The following ANKRD44 variants were observed in gnomAD, a reference collection of about 807,000 sequenced individuals.
ANKRD44 encodes serine/threonine-protein phosphatase 6 regulatory ankyrin repeat subunit B.
Under a neutral mutation model 116.0 loss-of-function variants are expected in ANKRD44, and 35 were observed. The ratio of observed to expected loss-of-function variants is 0.30; its 90% CI spans 0.23 to 0.40. ANKRD44 has a LOEUF of 0.40. ANKRD44 is among the 10% of genes least tolerant of loss of function. The pLI, the probability that ANKRD44 is intolerant of heterozygous loss-of-function variation, is 1.00. For synonymous variants in ANKRD44, 435 were observed against 461.8 expected, an observed-to-expected ratio of 0.94 and a Z score of 0.74; for missense variants, 1,014 against 1,242.6, an observed-to-expected ratio of 0.82 and a Z score of 2.77.
intron 1 of ANKRD44, among the ~76,000 whole-genome samples, chr2:197,260,865 G>T: frequency 3.7e-4 from 2 of 5,394 alleles, no homozygotes; most frequent in South Asian, 7.8e-3. Flanking sequence ...GTGTTTTTTG[G>T]CTGCATAAAT....
chr2:196,993,442 C>G, intron 27 of ANKRD44, 141 bp downstream of exon 27: 1 of 677,834 alleles, frequency 1.5e-6, no homozygotes, highest in Non-Finnish European at 2.5e-6. Context: ...GTTATCCTTG[C>G]TTGATTTCTC....
At chr2:197,208,938 C>T (rs2081268213) in intron 1 of ANKRD44, among the ~76,000 whole-genome samples, 2 of 152,166 alleles carry the variant, frequency 1.3e-5, no homozygotes, top group Admixed American at 6.5e-5. Context: ...ATTTGTCTGC[C>T]TCTCTCAGAA....
intron 1 of ANKRD44, among the ~76,000 whole-genome samples, chr2:197,289,308 T>G (rs1207703494): frequency 6.6e-6 from 1 of 152,192 alleles, no homozygotes; most frequent in Non-Finnish European, 1.5e-5. Flanking sequence ...CTAACCCATA[T>G]GTATTGTTGG....
intron 17 of ANKRD44, among the ~76,000 whole-genome samples, chr2:197,023,582 A>G (rs374425134): frequency 1.3e-4 from 20 of 150,968 alleles, no homozygotes; most frequent in African/African-American, 5.0e-4. Context: ...GAAAAAAAAA[A>G]GAAGAACGAG....
At chr2:197,139,040 C>G (rs1261015585) in intron 3 of ANKRD44, among the ~76,000 whole-genome samples, 1 of 152,044 alleles carries the variant, frequency 6.6e-6, no homozygotes, top group Non-Finnish European at 1.5e-5. Context: ...CAAGATTTGG[C>G]AAGGGTATGG....
At chr2:197,076,747 C>A (rs2077675669) in intron 16 of ANKRD44, among the ~76,000 whole-genome samples, 1 of 151,394 alleles carries the variant, frequency 6.6e-6, no homozygotes, top group South Asian at 2.1e-4. Flanking sequence ...TAAGTGAGAA[C>A]ATGCAGTATT....
chr2:197,145,931 A>G (rs553074549), intron 3 of ANKRD44, among the ~76,000 whole-genome samples: 1 of 152,216 alleles, frequency 6.6e-6, no homozygotes, highest in Non-Finnish European at 1.5e-5. Flanking sequence ...TAAAAGAGGA[A>G]GAAGAAAGAC....
chr2:197,105,084 T>C (rs73051324), intron 9 of ANKRD44, among the ~76,000 whole-genome samples: 8,386 of 152,158 alleles, frequency 0.055, 454 homozygotes, highest in African/African-American at 0.13. Context: ...TTTGTTTCTG[T>C]GTTACAGTGG....
At chr2:197,093,434 C>A (rs1275522753) in intron 10 of ANKRD44, among the ~76,000 whole-genome samples, 1 of 151,924 alleles carries the variant, frequency 6.6e-6, no homozygotes, top group Non-Finnish European at 1.5e-5. Context: ...TCCTTACAAA[C>A]CTGAGAAGAT....
At chr2:196,968,055 G>C (rs190139526) in intron 21 of ANKRD44, among the ~76,000 whole-genome samples, 9 of 152,160 alleles carry the variant, frequency 5.9e-5, no homozygotes, top group African/African-American at 1.9e-4. Flanking sequence ...CCACACTTCC[G>C]GTAAAGCCTG....
chr2:197,254,107 C>G (rs1317437457), intron 1 of ANKRD44, among the ~76,000 whole-genome samples: 1 of 152,160 alleles, frequency 6.6e-6, no homozygotes, highest in African/African-American at 2.4e-5. Flanking sequence ...ACTTCCAACT[C>G]CAAGACGAGG....
At chr2:196,994,352 A>AT (rs1418434988) in intron 26 of ANKRD44, among the ~76,000 whole-genome samples, 2 of 151,566 alleles carry the variant, frequency 1.3e-5, no homozygotes, top group Non-Finnish European at 2.9e-5. Flanking sequence ...TGGCTGGCTA[A>AT]TTTTTTTATT....
chr2:197,085,493 C>T (rs150635423), intron 13 of ANKRD44, among the ~76,000 whole-genome samples: 191 of 152,208 alleles, frequency 1.3e-3, no homozygotes, highest in African/African-American at 4.4e-3. Context: ...CACAAGATAC[C>T]GGTCATGAAG....
chr2:197,089,629 A>G (rs1321181908), intron 11 of ANKRD44, among the ~76,000 whole-genome samples: 1 of 152,180 alleles, frequency 6.6e-6, no homozygotes, highest in African/African-American at 2.4e-5. Context: ...TTAAACCTCA[A>G]AGACTTTTCC....
chr2:197,240,185 G>C (rs942637256), intron 1 of ANKRD44, among the ~76,000 whole-genome samples: 21 of 151,988 alleles, frequency 1.4e-4, no homozygotes, highest in African/African-American at 4.4e-4. Flanking sequence ...GAGCAGCCTA[G>C]CCAACACGGT....
At position 197,187,050 on chromosome 2, in the gene ANKRD44, G is replaced by A. The variant is rs2080693981; in HGVS notation, c.84C>T (p.Ile28=). 1.2e-6 allele frequency: 2 copies of A among 1,614,064 alleles called. No individual in the cohort carries two copies. Among genetic ancestry groups the A allele is most frequent in the East Asian group, 4.5e-5 (2 of 44,878 alleles). The change falls in exon 2 of 28, where the codon ATC becomes ATT. Residue 28 remains isoleucine (I), a synonymous_variant. Coordinates refer to ENST00000282272, the MANE Select transcript of ANKRD44 (RefSeq NM_001195144.2). ...SGDPEEIRML[I]HKTEDVNTLD... is the part of the protein sequence containing the mutation. ...GAGTATTCACATCTTCAGTTTTATG[G>A]ATGAGCATCCGGATCTCCTCTGGAT...
intron 16 of ANKRD44, among the ~76,000 whole-genome samples, chr2:197,076,110 G>A (rs1175662196): frequency 6.6e-6 from 1 of 152,186 alleles, no homozygotes. Context: ...AGCATAGGCT[G>A]GGATGGTGGA....
At chr2:197,136,262 A>G (rs2079213951) in intron 4 of ANKRD44, 4 of 308,140 alleles carry the variant, frequency 1.3e-5, no homozygotes, top group Middle Eastern at 1.1e-3. Context: ...GATTTCCTCT[A>G]TTCAAGCAGG....
intron 3 of ANKRD44, among the ~76,000 whole-genome samples, chr2:197,139,851 TGTGTGTGTG>T (rs2079315715): frequency 4.0e-4 from 2 of 5,046 alleles, no homozygotes; most frequent in Non-Finnish European, 9.2e-4. Context: ...GCTGCTTTTG[TGTGTGTGTG>T]TGTGTGTGTG....
Sources: gnomAD v4.1 joint callset for allele counts (sites outside exome capture counted in the v4.1 genomes callset) on GRCh38, gnomAD v4.1.1 for gene constraint, MANE v1.5 for transcripts, NCBI Gene and HGNC (gene_info 2026-07-23, HGNC 2026-07-21) for gene names.